Variants in CA3 observed in about 807,000 individuals in gnomAD.
CA3 encodes the protein carbonic anhydrase 3, also known as CA-III.
CA3 carries 30 observed loss-of-function variants against 35.7 expected under a neutral mutation model. The observed-to-expected ratio is 0.84, with a 90% CI of 0.63 to 1.14. The LOEUF is 1.14. CA3 is among the 50% of genes most tolerant of loss of function. The probability of loss-of-function intolerance (pLI) is 0.00; values close to 1 mark genes in which losing one functional copy is unlikely to be tolerated. For missense variants in CA3, 295 were observed against 328.5 expected (o/e 0.90, Z 0.79); for synonymous variants, 131 against 130.8 (o/e 1.00, Z -0.01).
In CA3 at chr8:85,446,128, C is replaced by G. The variant is rs1239967949; in HGVS notation, c.508-14C>G. ...TGCATGCACTCACTGCACCTGCAACCTGCTCTTACCCAGGGCAAGGAGGCG... is the reference window on the plus strand; with the variant it reads ...TGCATGCACTCACTGCACCTGCAACGTGCTCTTACCCAGGGCAAGGAGGCG... On this transcript the variant is annotated splice_polypyrimidine_tract_variant and intron_variant, in intron 5 of 6. Coordinates refer to ENST00000285381, the MANE Select transcript of CA3 (RefSeq NM_005181.4). 6.3e-7 allele frequency: 1 copy of G among 1,593,178 alleles called. No homozygotes were observed.
intron 1 of CA3, 105 bp from the exon 2 acceptor site, chr8:85,439,607 T>G: frequency 2.7e-6 from 2 of 738,258 alleles, no homozygotes; most frequent in South Asian, 3.6e-5. Context: ...AAGACCTTTT[T>G]GAAATCACTG....
intron 6 of CA3, 121 bp downstream of exon 6, chr8:85,446,418 T>C (rs1480305862): frequency 8.8e-7 from 1 of 1,137,646 alleles, no homozygotes; most frequent in Non-Finnish European, 1.2e-6. Context: ...TGGCCAGTAA[T>C]TTCATGGTCT....
At position 85,446,443 on chromosome 8, in the gene CA3, C is replaced by T. The variant is rs547218079; in HGVS notation, c.663+146C>T. 26 of 918,890 alleles carry T rather than the reference C, an allele frequency of 2.8e-5. No individual in the cohort carries two copies. In the South Asian group the frequency reaches 4.8e-4, roughly 17 times the overall value. The allele number at this position is 918,890 out of a possible 1,614,324, so 56.9% of individuals were successfully genotyped here. ...TTTCATGGTCTGCCCTGGTTAATTA[C>T]AACCAGCCTGTTCAGCTTTCTAAAA... On this transcript the variant is annotated intron_variant, in intron 6 of 6. Transcript: ENST00000285381.
chr8:85,446,331 G>GC, intron 6 of CA3, 34 bp downstream of exon 6: 2 of 1,595,578 alleles, frequency 1.3e-6, no homozygotes, highest in Non-Finnish European at 1.7e-6. Context: ...GGCTTATGTT[G>GC]CTGTCTGCCT....
chr8:85,439,818 G>A lies in CA3; in HGVS notation c.141G>A (p.Trp47Ter). The A allele has an allele frequency of 6.2e-7, 1 of 1,614,022 alleles. No individual in the cohort carries two copies. The highest frequency in any genetic ancestry group is 8.5e-7 in the Non-Finnish European group (1 of 1,179,950). ...DIRHDPSLQP[W>*]SVSYDGGSAK... The stretch of plus-strand genomic sequence containing the variant: ...GGCATGACCCTTCTCTGCAGCCATG[G>A]TCTGTGTCTTATGATGGTGGCTCTG... Residue 47 changes from tryptophan (W) to a stop codon, truncating the protein, a stop_gained, in exon 2 of 7, where the codon TGG (tryptophan) becomes TGA (stop). Coordinates refer to ENST00000285381, the MANE Select transcript of CA3 (RefSeq NM_005181.4). LOFTEE classifies it high-confidence loss of function.
rs1586001829 is a variant in CA3, at chr8:85,448,308, G to T, written c.*155G>T. Reference sequence around the variant, plus strand: ...GTGGTCACCAAGATCTAAGTTACTTGTTGAAAGAAAGTTACTTTCGACAAG... The same window carrying T: ...GTGGTCACCAAGATCTAAGTTACTTTTTGAAAGAAAGTTACTTTCGACAAG... On this transcript the variant is annotated 3_prime_UTR_variant, in exon 7 of 7. Transcript: ENST00000285381. The T allele has an allele frequency of 1.5e-6, 1 of 658,340 alleles. No individual in the cohort carries two copies. Among genetic ancestry groups the T allele is most frequent in the Non-Finnish European group, 2.3e-6 (1 of 435,076 alleles). The allele number at this position is 658,340 out of a possible 1,614,324, so 40.8% of individuals were successfully genotyped here.
At chr8:85,446,097 T>G in intron 5 of CA3, 45 bp from the exon 6 acceptor site, 1 of 1,511,886 alleles carries the variant, frequency 6.6e-7, no homozygotes, top group Middle Eastern at 1.7e-4. Flanking sequence ...TGGGTGGGCA[T>G]GTGCATGCAT....
In CA3 at chr8:85,448,298, TAA is replaced by T; in HGVS notation, c.*146_*147del. The stretch of plus-strand genomic sequence containing the variant: ...TGTGAGAGATGTGGTCACCAAGATC[TAA>T]GTTACTTGTTGAAAGAAAGTTACTT... On this transcript the variant is annotated 3_prime_UTR_variant, in exon 7 of 7. Coordinates refer to ENST00000285381, the MANE Select transcript of CA3 (RefSeq NM_005181.4). 1.4e-6 allele frequency: 1 copy of T among 731,336 alleles called. No individual in the cohort carries two copies. The highest frequency in any genetic ancestry group is 2.0e-6 in the Non-Finnish European group (1 of 495,082). The allele number at this position is 731,336 out of a possible 1,614,324, so 45.3% of individuals were successfully genotyped here. A position where few individuals can be genotyped will look rare whatever the true frequency, so the allele number is the denominator to read the frequency against.
intron 5 of CA3, among the ~76,000 whole-genome samples, chr8:85,445,899 T>C (rs1421708129): frequency 6.6e-6 from 1 of 152,200 alleles, no homozygotes; most frequent in East Asian, 1.9e-4. Context: ...CACAGATAGT[T>C]CTACTCACAG....
intron 4 of CA3, among the ~76,000 whole-genome samples, chr8:85,444,547 C>T (rs1038917836): frequency 1.3e-5 from 2 of 152,166 alleles, no homozygotes; most frequent in African/African-American, 2.4e-5. Flanking sequence ...GCTGGACATC[C>T]CCTCGGCTTG....
At chr8:85,443,205 A>C (rs1811231880) in intron 3 of CA3, among the ~76,000 whole-genome samples, 1 of 152,226 alleles carries the variant, frequency 6.6e-6, no homozygotes, top group Non-Finnish European at 1.5e-5. Context: ...TTAACTCATT[A>C]AAGAAAAACA....
At chr8:85,447,115 A>G (rs1586001073) in intron 6 of CA3, among the ~76,000 whole-genome samples, 1 of 151,478 alleles carries the variant, frequency 6.6e-6, no homozygotes, top group Non-Finnish European at 1.5e-5. Context: ...AAAAGATCAG[A>G]TATAACAACC....
At chr8:85,442,026 TAA>T in intron 2 of CA3, 45 bp from the exon 3 acceptor site, 1 of 961,978 alleles carries the variant, frequency 1.0e-6, no homozygotes, top group Non-Finnish European at 1.7e-6. Context: ...TAGAGCTCTG[TAA>T]AAGAAGCATG....
Position 85,445,194 on chromosome 8 carries a change from T to G in CA3, c.483T>G (p.Asp161Glu). 1.2e-6 allele frequency: 2 copies of G among 1,608,000 alleles called. No individual in the cohort carries two copies. The highest frequency in any genetic ancestry group is 1.7e-4 in the Middle Eastern group (1 of 6,044). ...ATGGCGAGTTCCAGATTTTCCTTGATGCATTGGACAAGATTAAGACAAAGG... is the reference window on the plus strand; with the variant it reads ...ATGGCGAGTTCCAGATTTTCCTTGAGGCATTGGACAAGATTAAGACAAAGG... ...HENGEFQIFL[D>E]ALDKIKTKGK... is the part of the protein sequence containing the mutation. The change falls in exon 5 of 7, where the codon GAT becomes GAG. Residue 161 changes from aspartate to glutamate, a missense_variant. Coordinates refer to ENST00000285381, the MANE Select transcript of CA3 (RefSeq NM_005181.4).
intron 6 of CA3, among the ~76,000 whole-genome samples, chr8:85,446,693 T>C (rs1366114094): frequency 1.3e-5 from 2 of 152,228 alleles, no homozygotes; most frequent in Non-Finnish European, 2.9e-5. Context: ...AACAATTTTG[T>C]ATGCTATATA....
chr8:85,438,927 C>T lies in CA3; in HGVS notation c.18C>T (p.Gly6=). The T allele has an allele frequency of 6.4e-7, 1 of 1,551,176 alleles. No homozygotes were observed. The highest frequency in any genetic ancestry group is 2.0e-5 in the Admixed American group (1 of 51,006). The change falls in exon 1 of 7, where the codon GGC becomes GGT. Residue 6 remains glycine (G), a synonymous_variant. Transcript: ENST00000285381. ...AGGCGACCATGGCCAAGGAGTGGGG[C>T]TACGCCAGTCACAACGGTGAGTGCA... MAKEW[G]YASHNGPDHW... is the part of the protein sequence containing the mutation.
In CA3 at chr8:85,442,105, C is replaced by A; in HGVS notation, c.265C>A (p.Arg89=). 1 of 1,604,078 alleles carries A rather than the reference C, an allele frequency of 6.2e-7. No individual in the cohort carries two copies. The highest frequency in any genetic ancestry group is 8.5e-7 in the Non-Finnish European group (1 of 1,170,858). ...AGGGGGTCCTCTCCCTGGACCCTAC[C>A]GACTTCGCCAGTTTCATCTTCACTG... ...LRGGPLPGPY[R]LRQFHLHWGS... Residue 89 remains arginine (R), a synonymous_variant, in exon 3 of 7, where the codon CGA becomes AGA. Transcript: ENST00000285381.
rs992068129 is a variant in CA3 at position 85,438,875 on chromosome 8, A to T, written c.-35A>T. ...GACTCTGCACCACGCAGGGGAAGAG[A>T]AAGCAGGAGCCGTCCAGCACGGAGG... On this transcript the variant is annotated 5_prime_UTR_variant, in exon 1 of 7. Coordinates refer to ENST00000285381, the MANE Select transcript of CA3 (RefSeq NM_005181.4). The T allele has an allele frequency of 1.6e-5, 25 of 1,550,548 alleles. No homozygotes were observed. The East Asian group carries it at 6.1e-4, about 38-fold the overall frequency.
At position 85,448,072 on chromosome 8, in the gene CA3, C is replaced by T. The variant is rs376253990; in HGVS notation, c.702C>T (p.Asn234=). The T allele has an allele frequency of 4.7e-5, 76 of 1,613,264 alleles. No homozygotes were observed. Among genetic ancestry groups the T allele is most frequent in the Non-Finnish European group, 5.9e-5 (70 of 1,179,688 alleles). The change falls in exon 7 of 7, where the codon AAC becomes AAT. Residue 234 remains asparagine (N), a synonymous_variant. Coordinates refer to ENST00000285381, the MANE Select transcript of CA3 (RefSeq NM_005181.4). ...GGAGCCTCCTCTCCAGTGCTGAGAACGAGCCCCCAGTGCCTCTTGTGAGCA... is the reference window on the plus strand; with the variant it reads ...GGAGCCTCCTCTCCAGTGCTGAGAATGAGCCCCCAGTGCCTCTTGTGAGCA... ...KLRSLLSSAE[N]EPPVPLVSNW...
Sources: gnomAD v4.1 joint callset for allele counts (sites outside exome capture counted in the v4.1 genomes callset) on GRCh38, gnomAD v4.1.1 for gene constraint, MANE v1.5 for transcripts, NCBI Gene and HGNC (gene_info 2026-07-23, HGNC 2026-07-21) for gene names.